Variants in CSMD1 observed in about 807,000 individuals in gnomAD.
The protein encoded by CSMD1 is CUB and Sushi multiple domains 1.
CSMD1 carries 213 observed loss-of-function variants against 417.5 expected under a neutral mutation model. The ratio of observed to expected loss-of-function variants is 0.51; its 90% CI spans 0.46 to 0.57. CSMD1 has a LOEUF of 0.57. Among genes scored for constraint, CSMD1 ranks in the 20% least tolerant of loss-of-function variants. CSMD1 has a pLI of 0.00. For missense variants in CSMD1, 6,923 were observed against 4,529.7 expected (o/e 1.53, Z -15.17); for synonymous variants, 2,862 against 1,736.8 (o/e 1.65, Z -16.11).
At chr8:4,387,370 C>T (rs1197668869) in intron 3 of CSMD1, among the ~76,000 whole-genome samples, 1 of 151,814 alleles carries the variant, frequency 6.6e-6, no homozygotes, top group Non-Finnish European at 1.5e-5. Flanking sequence ...CAAATTTCTT[C>T]TTATGTGTTA....
intron 3 of CSMD1, among the ~76,000 whole-genome samples, chr8:4,302,452 T>C (rs1290104660): frequency 5.9e-5 from 9 of 152,188 alleles, no homozygotes; most frequent in Non-Finnish European, 1.3e-4. Flanking sequence ...TTATCACACA[T>C]ATCGTGCAGA....
rs1811786444 is a variant in CSMD1, at chr8:4,758,090, T to A, written c.86-120532A>T. ...TGCGTTACTTTTCTCAGGTGAGAAA[T>A]TTCCACTGAAACCAACCAAAGGAAA... On this transcript the variant is annotated intron_variant, in intron 1 of 69. Coordinates refer to ENST00000635120, the MANE Select transcript of CSMD1 (RefSeq NM_033225.6). Among the ~76,000 whole-genome samples the A allele has an allele frequency of 2.0e-5, 3 of 151,972 alleles. No homozygotes were observed. In the South Asian group the frequency reaches 6.2e-4, roughly 31 times the overall value.
At chr8:3,563,692 C>T (rs1368170923) in intron 10 of CSMD1, among the ~76,000 whole-genome samples, 1 of 152,036 alleles carries the variant, frequency 6.6e-6, no homozygotes, top group Non-Finnish European at 1.5e-5. Flanking sequence ...AGTTCGAGAC[C>T]AGCCTGGCCA....
intron 3 of CSMD1, among the ~76,000 whole-genome samples, chr8:4,402,213 C>G (rs1246780219): frequency 6.6e-6 from 1 of 152,138 alleles, no homozygotes; most frequent in East Asian, 1.9e-4. Context: ...ATCCCATGCT[C>G]TTATCTCTGT....
intron 1 of CSMD1, among the ~76,000 whole-genome samples, chr8:4,891,914 A>G (rs1039124775): frequency 6.6e-6 from 1 of 152,126 alleles, no homozygotes; most frequent in Non-Finnish European, 1.5e-5. Context: ...AAACAAACAG[A>G]TGGTAGGTTA....
At chr8:3,781,276 G>A (rs565784900) in intron 5 of CSMD1, among the ~76,000 whole-genome samples, 14 of 152,234 alleles carry the variant, frequency 9.2e-5, no homozygotes, top group East Asian at 1.9e-4. Context: ...AGTACATGCC[G>A]AGAGAATATG....
intron 1 of CSMD1, among the ~76,000 whole-genome samples, chr8:4,958,627 G>C (rs770400673): frequency 6.6e-6 from 1 of 152,250 alleles, no homozygotes; most frequent in Non-Finnish European, 1.5e-5. Flanking sequence ...AGCTATTCAA[G>C]TATGGGATCT....
At chr8:4,114,013 C>T (rs922869530) in intron 3 of CSMD1, among the ~76,000 whole-genome samples, 4 of 152,182 alleles carry the variant, frequency 2.6e-5, no homozygotes, top group Admixed American at 2.0e-4. Flanking sequence ...GCAGCACGTT[C>T]TCCAGAACAT....
chr8:3,459,724 G>A (rs941412162), intron 12 of CSMD1, among the ~76,000 whole-genome samples: 8 of 152,056 alleles, frequency 5.3e-5, no homozygotes, highest in African/African-American at 1.4e-4. Flanking sequence ...ATCATTCAGG[G>A]ACCCAAGCAC....
At chr8:4,385,827 G>C (rs112457237) in intron 3 of CSMD1, among the ~76,000 whole-genome samples, 132 of 152,188 alleles carry the variant, frequency 8.7e-4, no homozygotes, top group Admixed American at 2.0e-3. Context: ...ATTATTTTGT[G>C]TTTCTGGGAA....
chr8:3,651,798 A>G (rs1053046140), intron 7 of CSMD1, among the ~76,000 whole-genome samples: 2 of 151,520 alleles, frequency 1.3e-5, no homozygotes, highest in Admixed American at 6.6e-5. Context: ...ACCCACCACC[A>G]TCGCACTTAC....
chr8:3,641,716 T>G (rs1250880060), intron 7 of CSMD1, among the ~76,000 whole-genome samples: 1 of 152,164 alleles, frequency 6.6e-6, no homozygotes, highest in Non-Finnish European at 1.5e-5. Context: ...GGCTGCAGGC[T>G]AAATGGAAAT....
At chr8:4,178,988 A>T (rs886551952) in intron 3 of CSMD1, among the ~76,000 whole-genome samples, 27 of 152,316 alleles carry the variant, frequency 1.8e-4, no homozygotes, top group African/African-American at 6.0e-4. Context: ...ATATCGTGAA[A>T]ATGGCCATAC....
intron 3 of CSMD1, among the ~76,000 whole-genome samples, chr8:4,409,580 T>C (rs1273260661): frequency 2.0e-5 from 3 of 151,972 alleles, no homozygotes; most frequent in Non-Finnish European, 4.4e-5. Flanking sequence ...TCAGCAGGGA[T>C]GAATTTGTTC....
At chr8:4,791,615 C>T (rs145876087) in intron 1 of CSMD1, among the ~76,000 whole-genome samples, 4 of 152,250 alleles carry the variant, frequency 2.6e-5, no homozygotes, top group Admixed American at 6.5e-5. Context: ...AGCAATGTTA[C>T]CAACGTAAGG....
At chr8:3,132,519 T>C (rs1375934782) in intron 41 of CSMD1, among the ~76,000 whole-genome samples, 1 of 152,108 alleles carries the variant, frequency 6.6e-6, no homozygotes, top group Non-Finnish European at 1.5e-5. Context: ...ATGAGTTCAG[T>C]CTCATCAGTT....
intron 5 of CSMD1, among the ~76,000 whole-genome samples, chr8:3,934,987 C>G (rs1039073226): frequency 1.3e-5 from 2 of 152,192 alleles, no homozygotes; most frequent in African/African-American, 2.4e-5. Context: ...GATCTAAACT[C>G]TGTAATACAC....
chr8:3,996,749 C>G (rs1211450415), intron 5 of CSMD1, among the ~76,000 whole-genome samples: 1 of 152,128 alleles, frequency 6.6e-6, no homozygotes, highest in Admixed American at 6.5e-5. Context: ...GTTTCTTCCT[C>G]CCTCCTATTT....
chr8:4,730,370 T>G (rs1370554507), intron 1 of CSMD1, among the ~76,000 whole-genome samples: 1 of 152,142 alleles, frequency 6.6e-6, no homozygotes, highest in Non-Finnish European at 1.5e-5. Flanking sequence ...GAAAACATAT[T>G]CAAACTAAAT....
Sources: allele counts gnomAD v4.1 joint callset (sites outside exome capture counted in the v4.1 genomes callset), GRCh38; gene constraint gnomAD v4.1.1; transcripts MANE v1.5; gene names NCBI Gene and HGNC (gene_info 2026-07-23, HGNC 2026-07-21).